Variants in ADGRG6 observed in about 807,000 individuals in gnomAD.
ADGRG6 encodes the protein adhesion G protein-coupled receptor G6, also known as G-protein coupled receptor 126.
A neutral mutation model predicts 142.4 loss-of-function variants in ADGRG6; 84 were observed. That is an observed-to-expected ratio of 0.59 (90% CI 0.49 to 0.71). ADGRG6 has a LOEUF of 0.71. ADGRG6 is among the 30% of genes least tolerant of loss of function. The probability of loss-of-function intolerance (pLI) is 0.00; values close to 1 mark genes in which losing one functional copy is unlikely to be tolerated. For missense variants in ADGRG6, 1,367 were observed against 1,466.6 expected, an observed-to-expected ratio of 0.93 and a Z score of 1.11; for synonymous variants, 521 against 520.5, an observed-to-expected ratio of 1.00 and a Z score of -0.01.
chr6:142,366,678 C>A (rs1215473392), intron 2 of ADGRG6, among the ~76,000 whole-genome samples: 1 of 151,022 alleles, frequency 6.6e-6, no homozygotes, highest in Non-Finnish European at 1.5e-5. Flanking sequence ...TTGCTTGAAC[C>A]TGGGAGGCAG....
chr6:142,373,906 A>AG (rs1781375534), intron 4 of ADGRG6, among the ~76,000 whole-genome samples: 1 of 66,270 alleles, frequency 1.5e-5, no homozygotes. Flanking sequence ...TTTTTTTTTT[A>AG]AGTTGGGGTC....
Position 142,420,079 on chromosome 6 carries a change from C to A in ADGRG6, c.3294C>A (p.Leu1098=). 1 of 1,612,064 alleles carries A rather than the reference C, an allele frequency of 6.2e-7. No individual in the cohort carries two copies. ...WGPLNIPFMY[L]FSIFNSLQGL... Reference sequence around the variant, plus strand: ...CCTTAAATATCCCCTTCATGTACCTCTTCTCCATCTTCAATTCATTACAAG... The same window carrying A: ...CCTTAAATATCCCCTTCATGTACCTATTCTCCATCTTCAATTCATTACAAG... Residue 1098 remains leucine (L), a synonymous_variant, in exon 22 of 25, where the codon CTC becomes CTA. Coordinates refer to ENST00000367609, the MANE Select transcript of ADGRG6 (RefSeq NM_198569.3).
intron 15 of ADGRG6, 123 bp downstream of exon 15, chr6:142,405,951 A>G (rs2115032612): frequency 1.6e-6 from 1 of 616,880 alleles, no homozygotes; most frequent in Admixed American, 3.7e-5. Flanking sequence ...CTGTGTTTTC[A>G]AAACTGAAAA....
At chr6:142,340,714 G>A (rs1779579572) in intron 2 of ADGRG6, among the ~76,000 whole-genome samples, 1 of 152,096 alleles carries the variant, frequency 6.6e-6, no homozygotes, top group Non-Finnish European at 1.5e-5. Context: ...ATCATTCCAA[G>A]TAGAAGCAGA....
In ADGRG6 at chr6:142,309,564, T is replaced by C; in HGVS notation, c.23T>C (p.Met8Thr). Residue 8 changes from methionine (M) to threonine (T), a missense_variant, in exon 2 of 25, where the codon ATG becomes ACG. Coordinates refer to ENST00000367609, the MANE Select transcript of ADGRG6 (RefSeq NM_198569.3). ...TGCAGGATGTTTCGCTCAGATCGAA[T>C]GTGGAGCTGCCATTGGAAATGGAAG... MMFRSDR[M>T]WSCHWKWKPS... 1 of 1,609,222 alleles carries C rather than the reference T, an allele frequency of 6.2e-7. No individual in the cohort carries two copies.
chr6:142,416,475 T>A lies in ADGRG6; in HGVS notation c.2938+411T>A, dbSNP rs553730073. Among the ~76,000 whole-genome samples the A allele has an allele frequency of 5.9e-5, 9 of 152,292 alleles. No homozygotes were observed. In the South Asian group the frequency reaches 1.9e-3, roughly 32 times the overall value. On this transcript the variant is annotated intron_variant, in intron 20 of 24. Transcript: ENST00000367609. ...TGTCTTGGAAACCAGAGAAAGAATGTTATTCTTGCGTGTGCAACCAGAATA... is the reference window on the plus strand; with the variant it reads ...TGTCTTGGAAACCAGAGAAAGAATGATATTCTTGCGTGTGCAACCAGAATA...
chr6:142,428,195 C>G (rs1048707840), intron 22 of ADGRG6, among the ~76,000 whole-genome samples: 2 of 151,930 alleles, frequency 1.3e-5, no homozygotes, highest in African/African-American at 4.8e-5. Context: ...TTTGAAGAGT[C>G]TATCTATAAA....
At chr6:142,321,286 T>TACACACACACACACACACACACACAC (rs10632214) in intron 2 of ADGRG6, among the ~76,000 whole-genome samples, 1 of 147,778 alleles carries the variant, frequency 6.8e-6, no homozygotes, top group African/African-American at 2.5e-5. Flanking sequence ...TAAGCATGCA[T>TACACACACACACACACACACACACAC]ACACACACAC....
intron 2 of ADGRG6, among the ~76,000 whole-genome samples, chr6:142,362,462 A>G (rs986246687): frequency 6.6e-5 from 10 of 152,316 alleles, no homozygotes; most frequent in African/African-American, 2.2e-4. Flanking sequence ...GGAATGACCA[A>G]TGTAACCGTG....
intron 22 of ADGRG6, among the ~76,000 whole-genome samples, chr6:142,430,532 C>T (rs972153664): frequency 1.3e-5 from 2 of 152,072 alleles, no homozygotes; most frequent in African/African-American, 4.8e-5. Flanking sequence ...CCCCAGAAAG[C>T]CATGGATCAT....
At chr6:142,397,890 A>G (rs569005861) in intron 10 of ADGRG6, 135 bp downstream of exon 10, 68 of 533,284 alleles carry the variant, frequency 1.3e-4, no homozygotes, top group African/African-American at 4.1e-5. Flanking sequence ...GTTCAGTAAC[A>G]AATGAATGAC....
intron 2 of ADGRG6, among the ~76,000 whole-genome samples, chr6:142,366,752 C>CA (rs35575976): frequency 0.35 from 42,530 of 121,240 alleles, 7,521 homozygotes; most frequent in African/African-American, 0.53. Flanking sequence ...GAGACTGTCT[C>CA]AAAAAAAAAA....
intron 2 of ADGRG6, among the ~76,000 whole-genome samples, chr6:142,339,892 G>A (rs1298603937): frequency 1.3e-5 from 2 of 152,014 alleles, no homozygotes; most frequent in African/African-American, 2.4e-5. Context: ...TAACATAATA[G>A]GATAAGTATT....
rs1777947882 is a variant in ADGRG6, at chr6:142,445,787, C to T, written c.*2272C>T. The T allele has an allele frequency of 1.3e-5, 2 of 152,152 alleles. No homozygotes were observed. The highest frequency in any genetic ancestry group is 1.3e-4 in the Admixed American group (2 of 15,260). 9.4% of individuals were successfully genotyped at this position (152,152 alleles called of 1,614,324 possible). A position where few individuals can be genotyped will look rare whatever the true frequency, so the allele number is the denominator to read the frequency against. ...TTAGCTGGGGAGCCTAAATTTAGTT[C>T]AGCTTACCTTTGAGAATAGCATCAA... On this transcript the variant is annotated 3_prime_UTR_variant, in exon 25 of 25. Transcript: ENST00000367609.
chr6:142,359,706 A>G (rs1245847527), intron 2 of ADGRG6, among the ~76,000 whole-genome samples: 1 of 152,236 alleles, frequency 6.6e-6, no homozygotes, highest in Non-Finnish European at 1.5e-5. Flanking sequence ...TATCTTGTAC[A>G]TGACTGTATT....
intron 4 of ADGRG6, among the ~76,000 whole-genome samples, chr6:142,380,947 G>A (rs1687017533): frequency 6.6e-6 from 1 of 152,216 alleles, no homozygotes; most frequent in African/African-American, 2.4e-5. Context: ...CTTCTTGCCA[G>A]TCAGTGTCAT....
At chr6:142,414,291 T>C (rs774108705) in intron 18 of ADGRG6, among the ~76,000 whole-genome samples, 27 of 152,140 alleles carry the variant, frequency 1.8e-4, no homozygotes, top group Non-Finnish European at 3.5e-4. Flanking sequence ...CTGGAAAGTA[T>C]TTACTTCTTT....
At chr6:142,422,625 A>C (rs1776717707) in intron 22 of ADGRG6, among the ~76,000 whole-genome samples, 1 of 150,578 alleles carries the variant, frequency 6.6e-6, no homozygotes, top group African/African-American at 2.4e-5. Context: ...CAATAAACAT[A>C]CGTGTGCATG....
At chr6:142,399,522 A>G (rs1775390622) in intron 10 of ADGRG6, among the ~76,000 whole-genome samples, 1 of 152,152 alleles carries the variant, frequency 6.6e-6, no homozygotes, top group African/African-American at 2.4e-5. Context: ...GGAGAACCCT[A>G]GGAGGACCAG....
Sources: allele counts gnomAD v4.1 joint callset (sites outside exome capture counted in the v4.1 genomes callset), GRCh38; gene constraint gnomAD v4.1.1; transcripts MANE v1.5; gene names NCBI Gene and HGNC (gene_info 2026-07-23, HGNC 2026-07-21).